Variants in CTDP1 observed in about 807,000 individuals in gnomAD.
The protein encoded by CTDP1 is RNA polymerase II subunit A C-terminal domain phosphatase.
Under a neutral mutation model 91.8 loss-of-function variants are expected in CTDP1, and 47 were observed. That is an observed-to-expected ratio of 0.51 (90% CI 0.41 to 0.65). The LOEUF (loss-of-function observed/expected upper bound fraction) is 0.65. CTDP1 is among the 30% of genes least tolerant of loss of function. The probability of loss-of-function intolerance (pLI) is 0.00; values close to 1 mark genes in which losing one functional copy is unlikely to be tolerated. For synonymous variants in CTDP1, 656 were observed against 598.5 expected, an observed-to-expected ratio of 1.10 and a Z score of -1.40; for missense variants, 1,272 against 1,373.7, an observed-to-expected ratio of 0.93 and a Z score of 1.17.
intron 11 of CTDP1, among the ~76,000 whole-genome samples, chr18:79,732,370 A>G (rs2086583948): frequency 7.2e-6 from 1 of 139,098 alleles, no homozygotes; most frequent in African/African-American, 2.6e-5. Flanking sequence ...ATGAGAACTC[A>G]CATCAGGAGT....
intron 1 of CTDP1, among the ~76,000 whole-genome samples, chr18:79,691,198 C>T (rs1244459337): frequency 6.6e-6 from 1 of 152,204 alleles, no homozygotes; most frequent in East Asian, 1.9e-4. Context: ...TCGTCTGACT[C>T]GTATTACACT....
Position 79,717,641 on chromosome 18 carries a change from C to T in CTDP1, c.2175C>T (p.Leu725=). 1.2e-6 allele frequency: 2 copies of T among 1,614,034 alleles called. No individual in the cohort carries two copies. The highest frequency in any genetic ancestry group is 1.7e-6 in the Non-Finnish European group (2 of 1,179,974). ...GCTGGGACAAGGTGGAGGAGCAGCTCTTCCCGCTCAGGGACGATCACACCA... is the reference window on the plus strand; with the variant it reads ...GCTGGGACAAGGTGGAGGAGCAGCTTTTCCCGCTCAGGGACGATCACACCA... The part of the protein sequence containing the change: ...LERWDKVEEQ[L]FPLRDDHTKA... The change falls in exon 9 of 13, where the codon CTC becomes CTT. Residue 725 remains leucine (L), a synonymous_variant. Transcript: ENST00000613122.
upstream of CTDP1, chr18:79,679,396 T>C (rs951220488): frequency 6.6e-6 from 3 of 455,538 alleles, no homozygotes; most frequent in Admixed American, 2.3e-5. Context: ...CGACTCACAG[T>C]GCGCGATGGG....
chr18:79,738,738 T>TA (rs2086717939), intron 12 of CTDP1, among the ~76,000 whole-genome samples: 1 of 152,242 alleles, frequency 6.6e-6, no homozygotes, highest in African/African-American at 2.4e-5. Context: ...AGGAATTACT[T>TA]ACAGAAAATC....
intron 11 of CTDP1, chr18:79,735,895 C>G (rs2058520515): frequency 5.1e-6 from 1 of 198,006 alleles, no homozygotes; most frequent in African/African-American, 2.3e-5. Context: ...AGCGAGCGTC[C>G]CTGTGGCACG....
intron 6 of CTDP1, among the ~76,000 whole-genome samples, chr18:79,711,607 C>T (rs546437635): frequency 6.6e-6 from 1 of 152,282 alleles, no homozygotes; most frequent in African/African-American, 2.4e-5. Flanking sequence ...TTGACATCAG[C>T]GTCAGCATCT....
chr18:79,717,429 C>T (rs1044949098), intron 8 of CTDP1, 106 bp from the exon 9 acceptor site: 9 of 1,528,116 alleles, frequency 5.9e-6, no homozygotes, highest in Middle Eastern at 4.7e-4. Context: ...GGCCCTGAGC[C>T]CTGGTGGGGT....
chr18:79,722,935 A>G lies in CTDP1; in HGVS notation c.2417+4919A>G, dbSNP rs532797456. Reference sequence around the variant, plus strand: ...CTCCGTAGGCCTCCATCTTGGAGGAACAGTAGAGTGTTTTCTTCTGGTTTA... The same window carrying G: ...CTCCGTAGGCCTCCATCTTGGAGGAGCAGTAGAGTGTTTTCTTCTGGTTTA... On this transcript the variant is annotated intron_variant, in intron 10 of 12. Transcript: ENST00000613122. Among the ~76,000 whole-genome samples, 3 of 152,234 alleles carry G rather than the reference A, an allele frequency of 2.0e-5. No homozygotes were observed. The East Asian group carries it at 5.8e-4, about 29-fold the overall frequency.
intron 11 of CTDP1, among the ~76,000 whole-genome samples, chr18:79,735,279 G>A (rs2086643459): frequency 6.6e-6 from 1 of 152,218 alleles, no homozygotes; most frequent in South Asian, 2.1e-4. Context: ...AGCCAGGTGT[G>A]CACCCCCAGA....
In CTDP1 at chr18:79,692,742, C is replaced by T. The variant is rs112731735; in HGVS notation, c.315-2483C>T. On this transcript the variant is annotated intron_variant, in intron 1 of 12. Coordinates refer to ENST00000613122, the MANE Select transcript of CTDP1 (RefSeq NM_004715.5). Reference sequence around the variant, plus strand: ...GCAGAGGGTAGAGCAAGGAACCCGCCGTGAGCTGGTGTCCTGTGTGGGGCA... The same window carrying T: ...GCAGAGGGTAGAGCAAGGAACCCGCTGTGAGCTGGTGTCCTGTGTGGGGCA... 4.4e-3 allele frequency among the ~76,000 whole-genome samples: 670 copies of T among 152,150 alleles called. 3 individuals are homozygous for T. Among genetic ancestry groups the T allele is most frequent in the African/African-American group, 0.015 (604 of 41,504 alleles).
At position 79,704,974 on chromosome 18, in the gene CTDP1, C is replaced by T. The variant is rs1160587030; in HGVS notation, c.772+57C>T. On this transcript the variant is annotated intron_variant, in intron 5 of 12. Coordinates refer to ENST00000613122, the MANE Select transcript of CTDP1 (RefSeq NM_004715.5). ...GAACAGTGGGTTTCTTTCCTGTTTT[C>T]GGTGATGGTTTCTTAAAGATGAAGA... 26 of 1,606,622 alleles carry T rather than the reference C, an allele frequency of 1.6e-5. 2 individuals are homozygous for T. In the Admixed American group the frequency reaches 2.0e-4, roughly 12 times the overall value.
chr18:79,677,072 T>C (rs1431040612), upstream of CTDP1, among the ~76,000 whole-genome samples: 1 of 152,232 alleles, frequency 6.6e-6, no homozygotes, highest in Non-Finnish European at 1.5e-5. Flanking sequence ...GTTCTTCCCA[T>C]TTTACAGAAT....
At chr18:79,703,641 G>A (rs975766318) in intron 4 of CTDP1, 2 of 152,068 alleles carry the variant, frequency 1.3e-5, no homozygotes, top group African/African-American at 4.8e-5. Context: ...GGTCTGTTCC[G>A]AGCAGCTGCG....
Position 79,714,732 on chromosome 18 carries a change from G to C in CTDP1, c.1272G>C (p.Glu424Asp). 1 of 1,602,688 alleles carries C rather than the reference G, an allele frequency of 6.2e-7. No homozygotes were observed. Among genetic ancestry groups the C allele is most frequent in the Non-Finnish European group, 8.5e-7 (1 of 1,175,414 alleles). Residue 424 changes from glutamate to aspartate, a missense_variant, in exon 8 of 13, where the codon GAG (glutamate) becomes GAC (aspartate). Glu to Asp is a conservative substitution (Grantham distance 45). This residue lies in a region of CTDP1 where 881 missense variants were observed against 911.6 expected (regional missense o/e 0.97). Coordinates refer to ENST00000613122, the MANE Select transcript of CTDP1 (RefSeq NM_004715.5). Reference protein sequence around the residue: ...TSSQELAGAPEPQGSCAQGGR... With the variant: ...TSSQELAGAPDPQGSCAQGGR... ...GCCAAGAGCTGGCAGGCGCTCCTGA[G>C]CCCCAGGGATCCTGTGCGCAGGGTG...
At chr18:79,695,620 C>A (rs2085730948) in intron 2 of CTDP1, among the ~76,000 whole-genome samples, 1 of 152,240 alleles carries the variant, frequency 6.6e-6, no homozygotes, top group Non-Finnish European at 1.5e-5. Flanking sequence ...CTCTGGGCCG[C>A]TGAGCGCCCC....
downstream of CTDP1, chr18:79,756,529 C>G (rs2087095296): frequency 6.6e-6 from 1 of 152,240 alleles, no homozygotes; most frequent in Non-Finnish European, 1.5e-5. Flanking sequence ...ATGAAATGTT[C>G]TGTGCTATGC....
upstream of CTDP1, chr18:79,679,358 T>C: frequency 2.2e-6 from 1 of 450,968 alleles, no homozygotes; most frequent in South Asian, 1.6e-5. Context: ...GCGCAAGGCA[T>C]GCCGGGACCC....
At chr18:79,736,998 A>G (rs1352233572) in intron 12 of CTDP1, among the ~76,000 whole-genome samples, 2 of 152,142 alleles carry the variant, frequency 1.3e-5, no homozygotes, top group East Asian at 1.9e-4. Context: ...GCTGGTCAGG[A>G]GCCAGCGTCC....
upstream of CTDP1, chr18:79,678,701 T>C (rs1026488606): frequency 1.6e-4 from 25 of 152,054 alleles, no homozygotes; most frequent in African/African-American, 5.6e-4. Context: ...AAAATTTATA[T>C]ACGTAAGGAC....
Sources: allele counts gnomAD v4.1 joint callset (sites outside exome capture counted in the v4.1 genomes callset), GRCh38; gene constraint gnomAD v4.1.1; regional missense constraint gnomAD v4.1.1; transcripts MANE v1.5; gene names NCBI Gene and HGNC (gene_info 2026-07-23, HGNC 2026-07-21).